The following UPF1 variants were observed in gnomAD, a reference collection of about 807,000 sequenced individuals.
The protein encoded by UPF1 is regulator of nonsense transcripts 1.
UPF1 carries 9 observed loss-of-function variants against 129.2 expected under a neutral mutation model. That is an observed-to-expected ratio of 0.07 (90% CI 0.04 to 0.12). UPF1 has a LOEUF of 0.12. Ranked by LOEUF, UPF1 falls within the 10% of genes least tolerant of loss-of-function variation. The pLI is 1.00. For synonymous variants in UPF1, 649 were observed against 644.9 expected, an observed-to-expected ratio of 1.01 and a Z score of -0.10; for missense variants, 788 against 1,525.3, an observed-to-expected ratio of 0.52 and a Z score of 8.05.
chr19:18,860,524 G>C, intron 16 of UPF1, 86 bp downstream of exon 16: 1 of 1,358,584 alleles, frequency 7.4e-7, no homozygotes, highest in Non-Finnish European at 1.0e-6. Context: ...TTTTAACATG[G>C]GACTGAAACT....
At chr19:18,857,664 C>A in intron 15 of UPF1, 131 bp downstream of exon 15, 1 of 1,055,576 alleles carries the variant, frequency 9.5e-7, no homozygotes, top group Non-Finnish European at 1.3e-6. Context: ...GAGGTCAGGG[C>A]ACTTTGTGCC....
intron 16 of UPF1, 41 bp downstream of exon 16, chr19:18,860,479 G>A (rs780090240): frequency 1.3e-6 from 2 of 1,589,582 alleles, no homozygotes; most frequent in East Asian, 4.5e-5. Context: ...AGGTCTTGGG[G>A]ACAGCTTGAG....
rs199755973 is a variant in UPF1 at position 18,832,270 on chromosome 19, G to A, written c.61G>A (p.Ala21Thr). ...TCTCACTTTCCTGGACACGGAGGAGGCCGAGCTGCTTGGCGCCGACACACA... is the reference window on the plus strand; with the variant it reads ...TCTCACTTTCCTGGACACGGAGGAGACCGAGCTGCTTGGCGCCGACACACA... ...QTLTFLDTEE[A>T]ELLGADTQGS... Residue 21 changes from alanine (A) to threonine (T), a missense_variant, in exon 1 of 24, where the codon GCC becomes ACC. Physicochemically the swap from Ala to Thr is moderately conservative, Grantham distance 58 (BLOSUM62 0). This residue lies in a region of UPF1 where 112 missense variants were observed against 128.2 expected (regional missense o/e 0.87). Transcript: ENST00000262803. This position sits in a 1 kb window ranked among gnomAD's most constrained non-coding sequence, Gnocchi z 5.6. 6 of 1,551,900 alleles carry A rather than the reference G, an allele frequency of 3.9e-6. No individual in the cohort carries two copies. The South Asian group carries it at 5.8e-5, about 15-fold the overall frequency.
rs756870668 is a variant in UPF1 at position 18,856,190 on chromosome 19, C to G, written c.1714C>G (p.Pro572Ala). Residue 572 changes from proline (P) to alanine (A), a missense_variant, in exon 13 of 24, where the codon CCT becomes GCT. Physicochemically the swap from Pro to Ala is conservative, Grantham distance 27. Around this residue, in one of 6 missense-constraint regions of UPF1, gnomAD observed 91 missense variants for 157.2 expected, o/e 0.58. Coordinates refer to ENST00000262803, the MANE Select transcript of UPF1 (RefSeq NM_002911.4). ...CTGACCTGCATGTGCTTCCAGCATG[C>G]CTGAGCTGCAGAAGCTGCAGCAGCT... ...HNQIRNMDSM[P>A]ELQKLQQLKD... The G allele has an allele frequency of 1.2e-6, 2 of 1,609,050 alleles. No homozygotes were observed. Among genetic ancestry groups the G allele is most frequent in the African/African-American group, 2.7e-5 (2 of 74,860 alleles).
chr19:18,856,538 C>T (rs141357699), intron 13 of UPF1, among the ~76,000 whole-genome samples: 1 of 152,274 alleles, frequency 6.6e-6, no homozygotes, highest in Non-Finnish European at 1.5e-5. Context: ...GGCAGTGGAT[C>T]TAGAACACTC....
rs2055827624 is a variant in UPF1, at chr19:18,865,119, C to T, written c.2858-170C>T. Among the ~76,000 whole-genome samples, 2 of 152,364 alleles carry T rather than the reference C, an allele frequency of 1.3e-5. No homozygotes were observed. Among genetic ancestry groups the T allele is most frequent in the South Asian group, 4.1e-4 (2 of 4,834 alleles). ...GAAGGTGCCTGCCCAAGCACCCAGC[C>T]CCAGGCAGGCTGCTGTAGTTAACAT... On this transcript the variant is annotated intron_variant, in intron 20 of 23. Coordinates refer to ENST00000262803, the MANE Select transcript of UPF1 (RefSeq NM_002911.4). The surrounding 1 kb of genome is among the most constrained non-coding windows in gnomAD (Gnocchi z 6.1).
At chr19:18,842,182 C>T (rs2055549053) in intron 1 of UPF1, among the ~76,000 whole-genome samples, 2 of 152,162 alleles carry the variant, frequency 1.3e-5, no homozygotes, top group Admixed American at 6.5e-5. Context: ...AGCAGTTTCA[C>T]GTGGTTCAAA....
At chr19:18,854,516 C>T (rs975992525) in intron 8 of UPF1, 85 bp from the exon 9 acceptor site, 27 of 1,081,376 alleles carry the variant, frequency 2.5e-5, no homozygotes, top group East Asian at 1.2e-4. Context: ...ATTTTAAAAA[C>T]GCTGTTTAAA....
At chr19:18,836,749 ATTTTTT>A (rs755282469) in intron 1 of UPF1, among the ~76,000 whole-genome samples, 4 of 129,500 alleles carry the variant, frequency 3.1e-5, no homozygotes, top group African/African-American at 1.1e-4. Context: ...CTATCCACCC[ATTTTTT>A]TTTTTTTTTT....
At position 18,860,373 on chromosome 19, in the gene UPF1, G is replaced by A. The variant is rs779744388; in HGVS notation, c.2235G>A (p.Pro745=). ...TCCAGTGGCCCCAACCCGATAAACC[G>A]ATGTTCTTCTACGTGACCCAGGGCC... ...FDFQWPQPDK[P]MFFYVTQGQE... The change falls in exon 16 of 24, where the codon CCG becomes CCA. Residue 745 remains proline (P), a synonymous_variant. Transcript: ENST00000262803. 8 of 1,614,102 alleles carry A rather than the reference G, an allele frequency of 5.0e-6. No homozygotes were observed. The Admixed American group carries it at 5.0e-5, about 10-fold the overall frequency.
intron 8 of UPF1, 84 bp from the exon 9 acceptor site, chr19:18,854,517 G>A: frequency 3.7e-6 from 4 of 1,086,554 alleles, no homozygotes; most frequent in South Asian, 1.5e-5. Context: ...TTTTAAAAAC[G>A]CTGTTTAAAG....
chr19:18,864,329 T>C, intron 20 of UPF1, 78 bp downstream of exon 20: 1 of 1,346,934 alleles, frequency 7.4e-7, no homozygotes. Flanking sequence ...GCTGCAGCTT[T>C]AGGTGCCCCC....
At position 18,865,874 on chromosome 19, in the gene UPF1, C is replaced by A; in HGVS notation, c.3237+96C>A. 6.3e-7 allele frequency: 1 copy of A among 1,578,258 alleles called. No individual in the cohort carries two copies. The highest frequency in any genetic ancestry group is 1.1e-5 in the South Asian group (1 of 89,108). ...AGAGCCCCAGAGAGCTGGCCTGGCC[C>A]ATGTCCACTGTCTGAATTACCTGTC... On this transcript the variant is annotated intron_variant, in intron 22 of 23. Coordinates refer to ENST00000262803, the MANE Select transcript of UPF1 (RefSeq NM_002911.4). This position sits in a 1 kb window ranked among gnomAD's most constrained non-coding sequence, Gnocchi z 6.1.
intron 5 of UPF1, 61 bp from the exon 6 acceptor site, chr19:18,852,074 C>A: frequency 6.6e-7 from 1 of 1,511,352 alleles, no homozygotes; most frequent in Non-Finnish European, 8.9e-7. Context: ...CCTCTGCGCC[C>A]TCGTTCATTT....
At chr19:18,858,453 ATCCT>A (rs1450412619) in intron 15 of UPF1, among the ~76,000 whole-genome samples, 4 of 151,554 alleles carry the variant, frequency 2.6e-5, no homozygotes, top group South Asian at 2.1e-4. Flanking sequence ...TCGGTGGGAG[ATCCT>A]TCCTGAATGA....
chr19:18,834,420 G>C (rs2055461749), intron 1 of UPF1, among the ~76,000 whole-genome samples: 1 of 152,172 alleles, frequency 6.6e-6, no homozygotes, highest in African/African-American at 2.4e-5. Flanking sequence ...ATTAATTGTG[G>C]GGCATGTCCT....
chr19:18,852,393 A>C (rs1383459723), intron 6 of UPF1, 97 bp downstream of exon 6: 9 of 1,541,832 alleles, frequency 5.8e-6, no homozygotes, highest in Non-Finnish European at 7.8e-6. Context: ...AGGCTGTGGG[A>C]GCTGATGTGG....
chr19:18,853,287 C>A lies in UPF1; in HGVS notation c.1093C>A (p.Arg365=). Residue 365 remains arginine, a synonymous_variant, in exon 8 of 24, where the codon CGG becomes AGG. Coordinates refer to ENST00000262803, the MANE Select transcript of UPF1 (RefSeq NM_002911.4). This position sits in a 1 kb window ranked among gnomAD's most constrained non-coding sequence, Gnocchi z 4.4. ...RLMQGDEICL[R]YKGDLAPLWK... is the part of the protein sequence containing the mutation. ...CATGCAGGGGGATGAGATATGCCTG[C>A]GGTACAAAGGGGACCTTGCGCCCCT... 1 of 1,613,206 alleles carries A rather than the reference C, an allele frequency of 6.2e-7. No individual in the cohort carries two copies. Among genetic ancestry groups the A allele is most frequent in the Non-Finnish European group, 8.5e-7 (1 of 1,179,472 alleles).
intron 19 of UPF1, 87 bp from the exon 20 acceptor site, chr19:18,864,083 A>G (rs2055811993): frequency 8.5e-7 from 1 of 1,175,286 alleles, no homozygotes; most frequent in South Asian, 1.3e-5. Flanking sequence ...ACAGCTGCAT[A>G]CCTGCCACCT....
Sources: gnomAD v4.1 joint callset for allele counts (sites outside exome capture counted in the v4.1 genomes callset) on GRCh38, gnomAD v4.1.1 for gene constraint, gnomAD v4.1.1 regional missense constraint, Gnocchi (gnomAD v3.1) non-coding constraint, MANE v1.5 for transcripts, NCBI Gene and HGNC (gene_info 2026-07-23, HGNC 2026-07-21) for gene names.